The following TBC1D19 variants were observed in gnomAD, a reference collection of about 807,000 sequenced individuals.
TBC1D19 encodes TBC1 domain family member 19, also known as TBC1 domain family, member 19.
Under a neutral mutation model 89.0 loss-of-function variants are expected in TBC1D19, and 60 were observed. The ratio of observed to expected loss-of-function variants is 0.67; its 90% confidence interval spans 0.55 to 0.84. The LOEUF is 0.84. TBC1D19 is among the 40% of genes least tolerant of loss of function. The pLI is 0.00. For missense variants in TBC1D19, 500 were observed against 610.8 expected, an observed-to-expected ratio of 0.82 and a Z score of 1.91; for synonymous variants, 189 against 199.7, an observed-to-expected ratio of 0.95 and a Z score of 0.45.
chr4:26,641,467 GGAGAAACCAGAGCA>G (rs1743519936), intron 7 of TBC1D19, among the ~76,000 whole-genome samples: 1 of 150,784 alleles, frequency 6.6e-6, no homozygotes, highest in South Asian at 2.1e-4. Flanking sequence ...ACAAACATGG[GGAGAAACCAGAGCA>G]GAAAAGCTGA....
the TBC1D19 span, among the ~76,000 whole-genome samples, chr4:26,789,621 A>G: frequency 6.6e-6 from 1 of 152,234 alleles, no homozygotes; most frequent in South Asian, 2.1e-4. Flanking sequence ...GTAAATTAAT[A>G]TAACCTCATG....
intron 1 of TBC1D19, among the ~76,000 whole-genome samples, chr4:26,589,180 C>T (rs1299157794): frequency 2.0e-5 from 3 of 152,066 alleles, no homozygotes; most frequent in Non-Finnish European, 4.4e-5. Context: ...GAAGCTGAGG[C>T]AGGAGAATTG....
the TBC1D19 span, among the ~76,000 whole-genome samples, chr4:26,769,758 G>C: frequency 6.6e-6 from 1 of 151,846 alleles, no homozygotes. Flanking sequence ...ATGTTGCCCA[G>C]GCTGGTCTCG....
intron 8 of TBC1D19, among the ~76,000 whole-genome samples, chr4:26,663,849 A>G (rs1215147502): frequency 6.6e-6 from 1 of 152,142 alleles, no homozygotes; most frequent in African/African-American, 2.4e-5. Flanking sequence ...TGATCCTGTA[A>G]TGGATAGCCC....
chr4:26,640,042 C>A, intron 6 of TBC1D19, 99 bp from the exon 7 acceptor site: 1 of 808,784 alleles, frequency 1.2e-6, no homozygotes, highest in South Asian at 1.8e-5. Flanking sequence ...TTGAATTAAT[C>A]TATCTGTATG....
At chr4:26,833,144 G>C in the TBC1D19 span, among the ~76,000 whole-genome samples, 1 of 152,152 alleles carries the variant, frequency 6.6e-6, no homozygotes. Context: ...CACACACACA[G>C]ACAAGCGAAG....
chr4:26,797,417 T>A, the TBC1D19 span, among the ~76,000 whole-genome samples: 1 of 152,164 alleles, frequency 6.6e-6, no homozygotes, highest in Admixed American at 6.5e-5. Context: ...TGGAAAAACA[T>A]CCCATGCTCA....
chr4:26,651,378 C>T (rs908452762), intron 7 of TBC1D19, among the ~76,000 whole-genome samples: 3 of 151,962 alleles, frequency 2.0e-5, no homozygotes, highest in African/African-American at 7.3e-5. Flanking sequence ...TGTTTGTATC[C>T]TCTTTTATTT....
At chr4:26,764,355 T>A in the TBC1D19 span, among the ~76,000 whole-genome samples, 1 of 152,122 alleles carries the variant, frequency 6.6e-6, no homozygotes, top group Admixed American at 6.6e-5. Context: ...TTCCCTGAGC[T>A]TTACAGAGTC....
At chr4:26,807,722 T>G in the TBC1D19 span, among the ~76,000 whole-genome samples, 1 of 152,210 alleles carries the variant, frequency 6.6e-6, no homozygotes, top group East Asian at 1.9e-4. Flanking sequence ...CTTGGCCTTT[T>G]AAGGTCACCC....
At chr4:26,808,016 C>T in the TBC1D19 span, among the ~76,000 whole-genome samples, 1 of 152,198 alleles carries the variant, frequency 6.6e-6, no homozygotes, top group Admixed American at 6.5e-5. Context: ...AGGCTGATGC[C>T]AGGCAGTCTA....
chr4:26,640,325 G>A, intron 7 of TBC1D19, 138 bp downstream of exon 7: 1 of 638,812 alleles, frequency 1.6e-6, no homozygotes, highest in East Asian at 2.9e-5. Context: ...GACATGATCA[G>A]ATCTGTGTTT....
chr4:26,603,621 T>A (rs1055917165), intron 1 of TBC1D19, among the ~76,000 whole-genome samples: 1 of 152,150 alleles, frequency 6.6e-6, no homozygotes, highest in Non-Finnish European at 1.5e-5. Context: ...CTTAAAACTA[T>A]GGCAGGTGAA....
the TBC1D19 span, among the ~76,000 whole-genome samples, chr4:26,791,994 T>C: frequency 6.6e-6 from 1 of 152,100 alleles, no homozygotes; most frequent in Non-Finnish European, 1.5e-5. Flanking sequence ...AGAGCAGCCA[T>C]CAGAGGGGAC....
chr4:26,774,045 T>G, the TBC1D19 span, among the ~76,000 whole-genome samples: 1 of 152,146 alleles, frequency 6.6e-6, no homozygotes. Flanking sequence ...TACTCAGTAC[T>G]TTTTTTCTCC....
At chr4:26,842,260 A>G in the TBC1D19 span, among the ~76,000 whole-genome samples, 1 of 149,474 alleles carries the variant, frequency 6.7e-6, no homozygotes, top group South Asian at 2.1e-4. Context: ...CAAGCTCAAC[A>G]TGTTCTCACC....
At chr4:26,835,510 A>T in the TBC1D19 span, among the ~76,000 whole-genome samples, 1 of 152,218 alleles carries the variant, frequency 6.6e-6, no homozygotes, top group African/African-American at 2.4e-5. Context: ...CGATCTCAGC[A>T]GTGTCACTTC....
chr4:26,617,242 C>T (rs903002831), intron 3 of TBC1D19, among the ~76,000 whole-genome samples: 3 of 152,224 alleles, frequency 2.0e-5, no homozygotes, highest in Non-Finnish European at 2.9e-5. Context: ...ACCAATCCCA[C>T]CCACGTAGGT....
chr4:26,684,553 A>G (rs1379987293), intron 12 of TBC1D19, among the ~76,000 whole-genome samples: 1 of 152,156 alleles, frequency 6.6e-6, no homozygotes, highest in African/African-American at 2.4e-5. Flanking sequence ...GCAACTGAAA[A>G]ACAGCTCATA....
Sources: allele counts gnomAD v4.1 joint callset (sites outside exome capture counted in the v4.1 genomes callset), GRCh38; gene constraint gnomAD v4.1.1; transcripts MANE v1.5; gene names NCBI Gene and HGNC (gene_info 2026-07-23, HGNC 2026-07-21).